FN3K: variants seen among roughly 807,000 people sequenced by gnomAD.
FN3K encodes fructosamine-3-kinase.
Under a neutral mutation model 24.8 loss-of-function variants are expected in FN3K, and 24 were observed. The observed-to-expected ratio is 0.97, with a 90% CI of 0.70 to 1.36. The LOEUF (loss-of-function observed/expected upper bound fraction) is 1.36, where lower values mean the gene tolerates loss of function less well. Among genes scored for constraint, FN3K ranks in the 40% most tolerant of loss-of-function variants. The pLI, the probability that FN3K is intolerant of heterozygous loss-of-function variation, is 0.00. For synonymous variants in FN3K, 192 were observed against 175.2 expected (o/e 1.10, Z -0.76); for missense variants, 449 against 416.7 (o/e 1.08, Z -0.67).
chr17:82,741,067 C>T, intron 3 of FN3K: 1 of 656,662 alleles, frequency 1.5e-6, no homozygotes, highest in Non-Finnish European at 2.7e-6. Context: ...TATACCCAGC[C>T]CTCCTGTCTG....
At chr17:82,738,819 C>G (rs2143640062) in intron 2 of FN3K, among the ~76,000 whole-genome samples, 179 bp downstream of exon 2, 1 of 151,408 alleles carries the variant, frequency 6.6e-6, no homozygotes, top group Middle Eastern at 3.4e-3. Flanking sequence ...AGAGTTCCAC[C>G]CTGCCATTCT....
At chr17:82,743,612 A>G (rs1033374432) in intron 4 of FN3K, among the ~76,000 whole-genome samples, 1 of 152,328 alleles carries the variant, frequency 6.6e-6, no homozygotes, top group East Asian at 1.9e-4. Context: ...TGCTTGCCCC[A>G]TGCTCTGTAC....
At chr17:82,750,020 T>C (rs2451220) in intron 5 of FN3K, 161,284 of 245,230 alleles carry the variant, frequency 0.66, 53,517 homozygotes, top group South Asian at 0.73. Context: ...ATGGCGCCAC[T>C]GCACTCCAGC....
intron 2 of FN3K, among the ~76,000 whole-genome samples, chr17:82,738,994 G>A (rs959029478): frequency 1.4e-5 from 2 of 141,152 alleles, no homozygotes; most frequent in African/African-American, 5.6e-5. Context: ...CCAGGCTAGA[G>A]TGCAGTGCAG....
chr17:82,740,355 G>T (rs570119077), intron 2 of FN3K, among the ~76,000 whole-genome samples: 1 of 150,682 alleles, frequency 6.6e-6, no homozygotes. Context: ...AGTGCTGGGC[G>T]TGGTGGTTCA....
At chr17:82,738,354 C>T (rs180780837) in intron 1 of FN3K, 135 bp from the exon 2 acceptor site, 15 of 1,252,780 alleles carry the variant, frequency 1.2e-5, no homozygotes, top group Admixed American at 9.2e-5. Flanking sequence ...GTGGTGGACG[C>T]CAGCTCCCAG....
intron 4 of FN3K, among the ~76,000 whole-genome samples, chr17:82,748,597 GTATT>G (rs2046981898): frequency 6.6e-6 from 1 of 151,912 alleles, no homozygotes; most frequent in African/African-American, 2.4e-5. Flanking sequence ...TTTACCAAGA[GTATT>G]TATTTTTGAC....
Position 82,750,683 on chromosome 17 carries a change from G to A in FN3K, c.858G>A (p.Leu286=). ...TGCTCTACCAGCTGTTTAACTACCTGAACCACTGGAACCACTTCGGGCGGG... is the reference window on the plus strand; with the variant it reads ...TGCTCTACCAGCTGTTTAACTACCTAAACCACTGGAACCACTTCGGGCGGG... ...RLLLYQLFNY[L]NHWNHFGREY... is the part of the protein sequence containing the mutation. The change falls in exon 6 of 6, where the codon CTG becomes CTA. Residue 286 remains leucine (L), a synonymous_variant. Coordinates refer to ENST00000300784, the MANE Select transcript of FN3K (RefSeq NM_022158.4). 6.2e-7 allele frequency: 1 copy of A among 1,613,802 alleles called. No homozygotes were observed. Among genetic ancestry groups the A allele is most frequent in the Non-Finnish European group, 8.5e-7 (1 of 1,179,996 alleles).
chr17:82,740,313 C>T (rs1300526549), intron 2 of FN3K, among the ~76,000 whole-genome samples: 1 of 148,876 alleles, frequency 6.7e-6, no homozygotes, highest in Admixed American at 6.9e-5. Context: ...TTTGTGATTA[C>T]ATGATGTTAT....
chr17:82,743,095 G>A (rs1373831679), intron 4 of FN3K, among the ~76,000 whole-genome samples: 1 of 152,190 alleles, frequency 6.6e-6, no homozygotes, highest in East Asian at 1.9e-4. Context: ...CCTGTCCGGA[G>A]CCAGTGAGCA....
intron 5 of FN3K, 163 bp downstream of exon 5, chr17:82,749,140 A>T: frequency 9.1e-7 from 1 of 1,101,122 alleles, no homozygotes; most frequent in Non-Finnish European, 1.3e-6. Flanking sequence ...CCCAAAAGGG[A>T]GTCCGAAAGG....
At chr17:82,749,098 CAGGG>C (rs1239850539) in intron 5 of FN3K, 121 bp downstream of exon 5, 1 of 1,482,252 alleles carries the variant, frequency 6.7e-7, no homozygotes, top group African/African-American at 1.4e-5. Flanking sequence ...GAGCACACAT[CAGGG>C]AGGAAGGGGG....
At chr17:82,742,675 T>C in intron 4 of FN3K, 1 of 456,064 alleles carries the variant, frequency 2.2e-6, no homozygotes, top group South Asian at 1.6e-5. Flanking sequence ...ATCTGTGAAG[T>C]TCCAAAGAAG....
chr17:82,737,426 C>T (rs1783301302), intron 1 of FN3K, among the ~76,000 whole-genome samples: 1 of 151,974 alleles, frequency 6.6e-6, no homozygotes, highest in Non-Finnish European at 1.5e-5. Context: ...CGGTTCACTC[C>T]ATTCTCCTGC....
At chr17:82,742,930 C>T (rs2046948978) in intron 4 of FN3K, among the ~76,000 whole-genome samples, 1 of 152,126 alleles carries the variant, frequency 6.6e-6, no homozygotes, top group African/African-American at 2.4e-5. Flanking sequence ...TGGAGGTCAC[C>T]TGGGGCAAGA....
intron 4 of FN3K, chr17:82,742,658 C>T (rs1452579012): frequency 2.2e-6 from 1 of 455,612 alleles, no homozygotes; most frequent in Non-Finnish European, 4.4e-6. Flanking sequence ...GAACCATCAT[C>T]TTTGAAATCT....
chr17:82,739,747 G>A (rs540178448), intron 2 of FN3K, among the ~76,000 whole-genome samples: 102 of 152,088 alleles, frequency 6.7e-4, no homozygotes, highest in African/African-American at 1.7e-3. Context: ...GTGAGCCACC[G>A]CGCCCGGCCT....
chr17:82,738,281 G>T, intron 1 of FN3K: 1 of 613,036 alleles, frequency 1.6e-6, no homozygotes, highest in Non-Finnish European at 2.8e-6. Flanking sequence ...TCACGGCCCA[G>T]GCTCAGCCTC....
Position 82,750,515 on chromosome 17 carries a change from C to T in FN3K, c.690C>T (p.Pro230=). 1.2e-6 allele frequency: 2 copies of T among 1,614,120 alleles called. No individual in the cohort carries two copies. Among genetic ancestry groups the T allele is most frequent in the Non-Finnish European group, 8.5e-7 (1 of 1,180,014 alleles). The change falls in exon 6 of 6, where the codon CCC becomes CCT. Residue 230 remains proline, a synonymous_variant. Transcript: ENST00000300784. ...ACGTGGCTGAGGACGACGTGGGGCC[C>T]ATTATTTACGACCCGGCTTCCTTCT... ...SGNVAEDDVG[P]IIYDPASFYG...
Sources: gnomAD v4.1 joint callset for allele counts (sites outside exome capture counted in the v4.1 genomes callset) on GRCh38, gnomAD v4.1.1 for gene constraint, MANE v1.5 for transcripts, NCBI Gene and HGNC (gene_info 2026-07-23, HGNC 2026-07-21) for gene names.